The following CACNA1E variants were observed in gnomAD, a reference collection of about 807,000 sequenced individuals.
CACNA1E encodes the protein voltage-dependent R-type calcium channel subunit alpha-1E.
A neutral mutation model predicts 259.2 loss-of-function variants in CACNA1E; 40 were observed. That is an observed-to-expected ratio of 0.15 (90% CI 0.12 to 0.20). The LOEUF (loss-of-function observed/expected upper bound fraction) is 0.20, where lower values mean the gene tolerates loss of function less well. Among genes scored for constraint, CACNA1E ranks in the 10% least tolerant of loss-of-function variants. The pLI, the probability that CACNA1E is intolerant of heterozygous loss-of-function variation, is 1.00. For missense variants in CACNA1E, 1,874 were observed against 3,040.1 expected, an observed-to-expected ratio of 0.62 and a Z score of 9.02; for synonymous variants, 1,104 against 1,138.5, an observed-to-expected ratio of 0.97 and a Z score of 0.61.
intron 6 of CACNA1E, among the ~76,000 whole-genome samples, chr1:181,638,922 C>T (rs1402072288): frequency 6.6e-6 from 1 of 152,192 alleles, no homozygotes; most frequent in African/African-American, 2.4e-5. Context: ...AGTTAAACCT[C>T]TTTCCTTATA....
chr1:181,350,433 T>C (rs1272941611), intron 1 of CACNA1E, among the ~76,000 whole-genome samples: 1 of 152,218 alleles, frequency 6.6e-6, no homozygotes, highest in Non-Finnish European at 1.5e-5. Flanking sequence ...TTTCTCCTGC[T>C]CTTTTTCTGC....
chr1:181,738,646 G>A (rs927334453), intron 24 of CACNA1E, among the ~76,000 whole-genome samples: 3 of 152,198 alleles, frequency 2.0e-5, no homozygotes, highest in African/African-American at 7.2e-5. Flanking sequence ...CTGTGGACAT[G>A]GCCCAAGTAG....
At chr1:181,624,198 T>C (rs1044744888) in intron 6 of CACNA1E, among the ~76,000 whole-genome samples, 1 of 152,124 alleles carries the variant, frequency 6.6e-6, no homozygotes, top group Non-Finnish European at 1.5e-5. Context: ...CATCAAGCTA[T>C]TCATGGGAGA....
At position 181,794,771 on chromosome 1, in the gene CACNA1E, T is replaced by A. The variant is rs558325856; in HGVS notation, c.6028-93T>A. The A allele has an allele frequency of 1.9e-5, 22 of 1,180,446 alleles. No individual in the cohort carries two copies. The African/African-American group carries it at 2.6e-4, about 14-fold the overall frequency. The allele number at this position is 1,180,446 out of a possible 1,614,324, so 73.1% of individuals were successfully genotyped here. On this transcript the variant is annotated intron_variant, in intron 45 of 47. Transcript: ENST00000367573. The stretch of plus-strand genomic sequence containing the variant: ...CATTTCCAGGGGTTACAATTTGCCT[T>A]CCTTAACGTCTCAGTCTTGCTGCTT...
intron 36 of CACNA1E, 33 bp from the exon 37 acceptor site, chr1:181,772,033 G>A (rs1341833363): frequency 1.2e-6 from 2 of 1,604,966 alleles, no homozygotes; most frequent in East Asian, 4.5e-5. Context: ...CTGCAGAGCT[G>A]CTCCTGCTAA....
chr1:181,792,373 C>A (rs1359894277), intron 44 of CACNA1E, among the ~76,000 whole-genome samples: 2 of 152,326 alleles, frequency 1.3e-5, no homozygotes, highest in African/African-American at 4.8e-5. Context: ...TGTACTTCTG[C>A]CCATCCCTCG....
chr1:181,658,992 G>A (rs1235139417), intron 7 of CACNA1E, among the ~76,000 whole-genome samples: 1 of 151,984 alleles, frequency 6.6e-6, no homozygotes, highest in South Asian at 2.1e-4. Context: ...AAGATTGTGA[G>A]CTTTCTCCTT....
chr1:181,367,409 C>T (rs544167161), intron 1 of CACNA1E, among the ~76,000 whole-genome samples: 7 of 151,778 alleles, frequency 4.6e-5, no homozygotes, highest in Non-Finnish European at 8.8e-5. Flanking sequence ...CTGCTGTGCA[C>T]TATAACCTTG....
At chr1:181,763,083 T>C (rs1291498998) in intron 33 of CACNA1E, among the ~76,000 whole-genome samples, 1 of 152,204 alleles carries the variant, frequency 6.6e-6, no homozygotes, top group African/African-American at 2.4e-5. Context: ...CAGCGTGTGC[T>C]AGAGGGGTTC....
intron 18 of CACNA1E, among the ~76,000 whole-genome samples, chr1:181,728,909 T>C (rs1217017149): frequency 1.9e-5 from 2 of 107,788 alleles, no homozygotes; most frequent in African/African-American, 7.7e-5. Context: ...GTGTGTGCCC[T>C]GCACAGATGT....
chr1:181,644,502 C>T (rs1411741215), intron 6 of CACNA1E, among the ~76,000 whole-genome samples: 1 of 152,124 alleles, frequency 6.6e-6, no homozygotes, highest in Non-Finnish European at 1.5e-5. Flanking sequence ...TATCCTTTTC[C>T]TAAAATGTGG....
chr1:181,652,853 T>C (rs1278188641), intron 7 of CACNA1E, among the ~76,000 whole-genome samples: 1 of 152,078 alleles, frequency 6.6e-6, no homozygotes, highest in African/African-American at 2.4e-5. Context: ...CAGATACACC[T>C]GAGGGTAGTG....
intron 1 of CACNA1E, among the ~76,000 whole-genome samples, chr1:181,332,322 A>C (rs1446099570): frequency 6.6e-6 from 1 of 152,188 alleles, no homozygotes; most frequent in African/African-American, 2.4e-5. Context: ...CATGGCACAC[A>C]TTTACCTATG....
intron 32 of CACNA1E, among the ~76,000 whole-genome samples, chr1:181,762,288 G>A (rs771793275): frequency 1.3e-5 from 2 of 151,972 alleles, no homozygotes; most frequent in African/African-American, 2.4e-5. Context: ...AATAAAAATT[G>A]AAAAAAACTT....
intron 7 of CACNA1E, among the ~76,000 whole-genome samples, chr1:181,706,843 C>G (rs996613623): frequency 6.6e-6 from 1 of 152,150 alleles, no homozygotes; most frequent in Admixed American, 6.5e-5. Context: ...TTTTGAATCT[C>G]GCAGGGCTTT....
At chr1:181,684,697 G>A (rs1240522046) in intron 7 of CACNA1E, among the ~76,000 whole-genome samples, 1 of 151,902 alleles carries the variant, frequency 6.6e-6, no homozygotes, top group African/African-American at 2.4e-5. Context: ...TTTGCATATG[G>A]CTAACCAGCT....
chr1:181,463,902 TA>T (rs1296001577), intron 2 of CACNA1E, among the ~76,000 whole-genome samples: 8 of 152,182 alleles, frequency 5.3e-5, no homozygotes, highest in African/African-American at 1.9e-4. Context: ...AAGTCATTTA[TA>T]TTTTTTAAAT....
intron 3 of CACNA1E, among the ~76,000 whole-genome samples, chr1:181,544,758 G>A (rs1647273629): frequency 6.6e-6 from 1 of 152,156 alleles, no homozygotes; most frequent in Non-Finnish European, 1.5e-5. Flanking sequence ...GGCTGACCCC[G>A]GAGGGTTTGC....
At chr1:181,476,871 T>G (rs115725063) in intron 2 of CACNA1E, among the ~76,000 whole-genome samples, 429 of 152,152 alleles carry the variant, frequency 2.8e-3, no homozygotes, top group Admixed American at 7.4e-3. Context: ...AGCAGCAAGG[T>G]TGGGCCCTGA....
Sources: allele counts gnomAD v4.1 joint callset (sites outside exome capture counted in the v4.1 genomes callset), GRCh38; gene constraint gnomAD v4.1.1; transcripts MANE v1.5; gene names NCBI Gene and HGNC (gene_info 2026-07-23, HGNC 2026-07-21).